The following FXYD5 variants were observed in gnomAD, a reference collection of about 807,000 sequenced individuals.
FXYD5 encodes the protein FXYD domain-containing ion transport regulator 5.
A neutral mutation model predicts 25.7 loss-of-function variants in FXYD5; 21 were observed. The ratio of observed to expected loss-of-function variants is 0.82; its 90% CI spans 0.58 to 1.18. FXYD5 has a LOEUF of 1.18. Ranked by LOEUF, FXYD5 falls within the 50% of genes most tolerant of loss-of-function variation. FXYD5 has a pLI of 0.00. For synonymous variants in FXYD5, 101 were observed against 90.7 expected (o/e 1.11, Z -0.64); for missense variants, 229 against 227.7 (o/e 1.01, Z -0.04).
intron 5 of FXYD5, among the ~76,000 whole-genome samples, chr19:35,162,503 A>C (rs762103819): frequency 8.0e-4 from 122 of 152,190 alleles, no homozygotes; most frequent in Non-Finnish European, 1.6e-3. Context: ...TGGGTCACAG[A>C]CAGCCATTCT....
At chr19:35,166,676 G>C (rs546683576) in intron 8 of FXYD5, 232 of 373,652 alleles carry the variant, frequency 6.2e-4, no homozygotes, top group African/African-American at 4.6e-3. Context: ...GCCTGGGCTT[G>C]TTCGCATGGT....
intron 5 of FXYD5, 76 bp downstream of exon 5, chr19:35,160,877 C>T (rs890018069): frequency 1.1e-5 from 10 of 878,046 alleles, no homozygotes; most frequent in East Asian, 2.5e-5. Context: ...TCCCTCAGTA[C>T]GTTTCTCAGT....
chr19:35,161,463 T>G (rs2065405537), intron 5 of FXYD5, among the ~76,000 whole-genome samples: 1 of 152,202 alleles, frequency 6.6e-6, no homozygotes, highest in Non-Finnish European at 1.5e-5. Flanking sequence ...AACAAAATCT[T>G]TCCCATTATT....
intron 8 of FXYD5, 96 bp downstream of exon 8, chr19:35,166,421 T>A: frequency 1.4e-6 from 1 of 739,904 alleles, no homozygotes; most frequent in Non-Finnish European, 2.3e-6. Flanking sequence ...AATTTTGTTT[T>A]AAATGAGGTA....
At position 35,169,570 on chromosome 19, in the gene FXYD5, C is replaced by CA. The variant is rs2065480103; in HGVS notation, c.494dup (p.Cys166ValfsTer?). On this transcript the variant is annotated frameshift_variant, in exon 9 of 9. Coordinates refer to ENST00000392219, the MANE Select transcript of FXYD5 (RefSeq NM_014164.6). LOFTEE classifies it high-confidence loss of function. ...AATCATTTCCTTCACCCACAGGTGG[C>CA]AAGTGCAGGCAGCTGTCCCGGTTAT... 1.9e-6 allele frequency: 3 copies of CA among 1,607,400 alleles called. No homozygotes were observed. Among genetic ancestry groups the CA allele is most frequent in the Non-Finnish European group, 2.6e-6 (3 of 1,173,944 alleles).
intron 8 of FXYD5, among the ~76,000 whole-genome samples, chr19:35,168,600 A>G (rs902977444): frequency 2.0e-5 from 3 of 152,140 alleles, no homozygotes; most frequent in African/African-American, 7.2e-5. Flanking sequence ...TGTTTTCTAA[A>G]GTACCCTTGG....
intron 8 of FXYD5, among the ~76,000 whole-genome samples, chr19:35,167,019 C>G (rs1038393123): frequency 9.2e-5 from 14 of 152,170 alleles, no homozygotes; most frequent in Admixed American, 3.9e-4. Flanking sequence ...ACAACCCCAC[C>G]CACTCAATCC....
At chr19:35,167,656 T>C (rs1001437115) in intron 8 of FXYD5, among the ~76,000 whole-genome samples, 1 of 152,256 alleles carries the variant, frequency 6.6e-6, no homozygotes, top group Non-Finnish European at 1.5e-5. Context: ...TTACCTCTCT[T>C]GTCCAACTTC....
intron 5 of FXYD5, 79 bp from the exon 6 acceptor site, chr19:35,164,077 A>G: frequency 6.2e-7 from 1 of 1,607,968 alleles, no homozygotes; most frequent in Non-Finnish European, 8.5e-7. Flanking sequence ...TTTCTTCCAG[A>G]TGCAGACTCT....
At chr19:35,159,381 G>A in intron 4 of FXYD5, 1 of 1,287,014 alleles carries the variant, frequency 7.8e-7, no homozygotes, top group Non-Finnish European at 1.0e-6. Context: ...TGCTGTGTTT[G>A]TGTGAGCTTA....
In FXYD5 at chr19:35,158,497, TC is replaced by T. The variant is rs2065377499; in HGVS notation, c.199+100del. The T allele has an allele frequency of 7.7e-5, 59 of 770,070 alleles. No individual in the cohort carries two copies. The South Asian group carries it at 8.3e-4, about 11-fold the overall frequency. 47.7% of individuals were successfully genotyped at this position (770,070 alleles called of 1,614,324 possible). ...ATAGGTCTTTGGTTGCCCATTTCAG[TC>T]CCTACTCCCAGCTCTGAATGCCCTG... On this transcript the variant is annotated intron_variant, in intron 4 of 8. Coordinates refer to ENST00000392219, the MANE Select transcript of FXYD5 (RefSeq NM_014164.6).
chr19:35,155,307 C>T (rs2065342610), intron 1 of FXYD5: 1 of 578,306 alleles, frequency 1.7e-6, no homozygotes. Flanking sequence ...GCTGGAAGAC[C>T]CATTTATCTC....
chr19:35,166,326 G>A lies in FXYD5; in HGVS notation c.487+1G>A, dbSNP rs1230401988. 6.4e-7 allele frequency: 1 copy of A among 1,565,372 alleles called. No individual in the cohort carries two copies. Among genetic ancestry groups the A allele is most frequent in the Admixed American group, 1.8e-5 (1 of 56,554 alleles). On this transcript the variant is annotated splice_donor_variant, in intron 8 of 8. Transcript: ENST00000392219. LOFTEE classifies it high-confidence loss of function. ...ATCACAGGCATCATCATCCTCACCAGTGAGAACTGGGGTTGGGTGGGAAGG... is the reference window on the plus strand; with the variant it reads ...ATCACAGGCATCATCATCCTCACCAATGAGAACTGGGGTTGGGTGGGAAGG...
At chr19:35,165,968 A>T (rs969981171) in intron 6 of FXYD5, among the ~76,000 whole-genome samples, 174 bp from the exon 7 acceptor site, 1 of 151,996 alleles carries the variant, frequency 6.6e-6, no homozygotes, top group Admixed American at 6.6e-5. Context: ...AGTGAGGGGG[A>T]TAGGAAGGAA....
chr19:35,157,472 T>G lies in FXYD5; in HGVS notation c.113T>G (p.Met38Arg). Residue 38 changes from methionine (M) to arginine (R), a missense_variant, in exon 3 of 9, where the codon ATG (methionine) becomes AGG (arginine). Met to Arg is a moderately conservative substitution (Grantham distance 91). Coordinates refer to ENST00000392219, the MANE Select transcript of FXYD5 (RefSeq NM_014164.6). ...TSSSSADSTI[M>R]DIQVPTRAPD... ...AGTTCTTCAGCAGACTCAACTATCA[T>G]GGACATTCAGGTCCCGACACGAGCC... 3 of 1,586,820 alleles carry G rather than the reference T, an allele frequency of 1.9e-6. No homozygotes were observed. The South Asian group carries it at 3.3e-5, about 18-fold the overall frequency.
Position 35,169,587 on chromosome 19 carries a change from C to A in FXYD5, c.509C>A (p.Ser170Tyr). The A allele has an allele frequency of 6.2e-7, 1 of 1,611,568 alleles. No homozygotes were observed. Among genetic ancestry groups the A allele is most frequent in the Non-Finnish European group, 8.5e-7 (1 of 1,177,646 alleles). Reference sequence around the variant, plus strand: ...ACAGGTGGCAAGTGCAGGCAGCTGTCCCGGTTATGCCGGAATCGTTGCAGG... The same window carrying A: ...ACAGGTGGCAAGTGCAGGCAGCTGTACCGGTTATGCCGGAATCGTTGCAGG... ...ILTSGKCRQL[S>Y]RLCRNRCR Residue 170 changes from serine to tyrosine, a missense_variant, in exon 9 of 9, where the codon TCC becomes TAC. Coordinates refer to ENST00000392219, the MANE Select transcript of FXYD5 (RefSeq NM_014164.6).
chr19:35,158,421 C>G (rs1633915), intron 4 of FXYD5, 21 bp downstream of exon 4: 1,192,948 of 1,486,116 alleles, frequency 0.8, 481,495 homozygotes, highest in East Asian at 0.98. Flanking sequence ...CAGGGGCAGG[C>G]GGCGGGGACA....
At chr19:35,159,308 G>A (rs2065384403) in intron 4 of FXYD5, among the ~76,000 whole-genome samples, 1 of 152,170 alleles carries the variant, frequency 6.6e-6, no homozygotes, top group Non-Finnish European at 1.5e-5. Context: ...TGTCAGCATT[G>A]GGGTAGGTCC....
rs1177349145 is a variant in FXYD5 at position 35,155,535 on chromosome 19, T to A, written c.1-16T>A. ...ACTGACATCATGGCTGACCCCAGCA[T>A]CGCCTGGTCCCACAGATGTCGCCCT... On this transcript the variant is annotated splice_polypyrimidine_tract_variant and intron_variant, in intron 1 of 8. Transcript: ENST00000392219. 1 of 1,606,782 alleles carries A rather than the reference T, an allele frequency of 6.2e-7. No homozygotes were observed. Among genetic ancestry groups the A allele is most frequent in the Admixed American group, 1.7e-5 (1 of 60,006 alleles).
Sources: gnomAD v4.1 joint callset for allele counts (sites outside exome capture counted in the v4.1 genomes callset) on GRCh38, gnomAD v4.1.1 for gene constraint, MANE v1.5 for transcripts, NCBI Gene and HGNC (gene_info 2026-07-23, HGNC 2026-07-21) for gene names.